ADAP2: variants seen among roughly 807,000 people sequenced by gnomAD.
The protein encoded by ADAP2 is arf-GAP with dual PH domain-containing protein 2.
ADAP2 carries 42 observed loss-of-function variants against 54.9 expected under a neutral mutation model. That is an observed-to-expected ratio of 0.77 (90% CI 0.60 to 0.99). The LOEUF (loss-of-function observed/expected upper bound fraction) is 0.99, where lower values mean the gene tolerates loss of function less well. Ranked by LOEUF, ADAP2 falls within the 50% of genes least tolerant of loss-of-function variation. The pLI is 0.00. For missense variants in ADAP2, 429 were observed against 480.4 expected (o/e 0.89, Z 1.00); for synonymous variants, 177 against 180.1 (o/e 0.98, Z 0.14).
chr17:30,951,814 C>A (rs1376565564), intron 7 of ADAP2, among the ~76,000 whole-genome samples: 1 of 151,932 alleles, frequency 6.6e-6, no homozygotes, highest in East Asian at 1.9e-4. Flanking sequence ...CGCCACTGCA[C>A]CCGGCTACTT....
chr17:30,941,840 G>A (rs1456204277), intron 5 of ADAP2, among the ~76,000 whole-genome samples: 1 of 152,104 alleles, frequency 6.6e-6, no homozygotes, highest in Non-Finnish European at 1.5e-5. Flanking sequence ...TGACATTTAG[G>A]ATGATAAGTA....
intron 5 of ADAP2, among the ~76,000 whole-genome samples, chr17:30,941,743 T>C (rs1320474405): frequency 1.3e-5 from 2 of 152,190 alleles, no homozygotes; most frequent in African/African-American, 4.8e-5. Flanking sequence ...CAGGCAAAAC[T>C]GTACTGATAG....
chr17:30,941,686 C>T (rs1385133593), intron 5 of ADAP2, among the ~76,000 whole-genome samples: 2 of 152,098 alleles, frequency 1.3e-5, no homozygotes, highest in African/African-American at 2.4e-5. Flanking sequence ...TTCTAAGTCA[C>T]CTTGTATAAG....
intron 2 of ADAP2, among the ~76,000 whole-genome samples, chr17:30,926,377 G>C (rs1020425958): frequency 6.6e-6 from 1 of 152,092 alleles, no homozygotes; most frequent in African/African-American, 2.4e-5. Flanking sequence ...CATCCTCCAG[G>C]TACATTTATC....
intron 3 of ADAP2, among the ~76,000 whole-genome samples, chr17:30,927,504 A>G (rs531193473): frequency 5.9e-5 from 9 of 152,084 alleles, no homozygotes; most frequent in African/African-American, 1.9e-4. Context: ...AGTCCCAGCT[A>G]CTTGGAAGGC....
In ADAP2 at chr17:30,949,269, G is replaced by A. The variant is rs368026623; in HGVS notation, c.658-18G>A. ...CATCTCACTGCTGTGTGTGTGTCCTGTGCACTTCTCTCCGCAGGAGATAGT... is the reference window on the plus strand; with the variant it reads ...CATCTCACTGCTGTGTGTGTGTCCTATGCACTTCTCTCCGCAGGAGATAGT... On this transcript the variant is annotated intron_variant, in intron 6 of 10. Transcript: ENST00000330889. The A allele has an allele frequency of 6.2e-7, 1 of 1,610,904 alleles. No individual in the cohort carries two copies. Among genetic ancestry groups the A allele is most frequent in the South Asian group, 1.1e-5 (1 of 91,028 alleles).
intron 7 of ADAP2, among the ~76,000 whole-genome samples, chr17:30,950,941 G>A (rs999572011): frequency 7.2e-5 from 11 of 152,142 alleles, no homozygotes; most frequent in African/African-American, 2.7e-4. Context: ...ATTGCTCTTT[G>A]GTCAACATCC....
rs868535458 is a variant in ADAP2, at chr17:30,922,083, G to A, written c.69G>A (p.Ala23=). 4.0e-6 allele frequency: 5 copies of A among 1,255,846 alleles called. No individual in the cohort carries two copies. Among genetic ancestry groups the A allele is most frequent in the Middle Eastern group, 5.6e-4 (2 of 3,558 alleles). 77.8% of individuals were successfully genotyped at this position (1,255,846 alleles called of 1,614,324 possible). ...ELLRAPDTGN[A]HCADCGAADP... ...TGCGGGCGCCGGACACAGGCAACGC[G>A]CACTGCGCCGACTGCGGGGCGGCAG... Residue 23 remains alanine (A), a synonymous_variant, in exon 1 of 11, where the codon GCG becomes GCA. Coordinates refer to ENST00000330889, the MANE Select transcript of ADAP2 (RefSeq NM_018404.3).
chr17:30,950,354 A>T (rs575112521), intron 7 of ADAP2, among the ~76,000 whole-genome samples: 3 of 152,194 alleles, frequency 2.0e-5, no homozygotes, highest in African/African-American at 7.2e-5. Flanking sequence ...AGGGCAGAGG[A>T]TGCTGTCTCG....
At position 30,931,931 on chromosome 17, in the gene ADAP2, G is replaced by A; in HGVS notation, c.360G>A (p.Arg120=). The A allele has an allele frequency of 6.2e-7, 1 of 1,614,046 alleles. No individual in the cohort carries two copies. The change falls in exon 4 of 11, where the codon CGG becomes CGA. Residue 120 remains arginine (R), a synonymous_variant. Transcript: ENST00000330889. ...EQWIRAKYER[R]EFMADGETIS... ...GGATTCGAGCTAAGTATGAGAGACG[G>A]GAATTTATGGCTGATGGGGAAACCA...
At chr17:30,954,947 C>T (rs147432966) in intron 9 of ADAP2, among the ~76,000 whole-genome samples, 77 of 152,178 alleles carry the variant, frequency 5.1e-4, no homozygotes, top group Middle Eastern at 3.4e-3. Context: ...TGCCTTGAGC[C>T]GTGTACTTAG....
chr17:30,946,725 A>T (rs1912706709), intron 6 of ADAP2, among the ~76,000 whole-genome samples: 1 of 152,190 alleles, frequency 6.6e-6, no homozygotes, highest in Non-Finnish European at 1.5e-5. Flanking sequence ...ATTGCTGTCC[A>T]TCATTTCTTA....
chr17:30,929,210 T>C (rs1169072094), intron 3 of ADAP2, among the ~76,000 whole-genome samples: 1 of 152,240 alleles, frequency 6.6e-6, no homozygotes, highest in African/African-American at 2.4e-5. Flanking sequence ...CTCTGAAATG[T>C]AGGCAATGAT....
chr17:30,958,874 T>G lies in ADAP2; in HGVS notation c.*1005T>G, dbSNP rs1484384740. On this transcript the variant is annotated 3_prime_UTR_variant, in exon 11 of 11. Transcript: ENST00000330889. ...ACTTTACTTAGCCTGGGTGACAGAGTGAGACCCTATCTCAAAAAAAAAAAA... is the reference window on the plus strand; with the variant it reads ...ACTTTACTTAGCCTGGGTGACAGAGGGAGACCCTATCTCAAAAAAAAAAAA... The G allele has an allele frequency of 6.8e-6, 1 of 146,260 alleles. No individual in the cohort carries two copies. The highest frequency in any genetic ancestry group is 1.5e-5 in the Non-Finnish European group (1 of 67,908). 9.1% of individuals were successfully genotyped at this position (146,260 alleles called of 1,614,324 possible).
chr17:30,940,875 A>G (rs1362428868), intron 5 of ADAP2, among the ~76,000 whole-genome samples: 1 of 152,212 alleles, frequency 6.6e-6, no homozygotes, highest in Non-Finnish European at 1.5e-5. Context: ...TAGAAAGTCA[A>G]CAAGCAAAAT....
intron 10 of ADAP2, chr17:30,956,740 AC>A: frequency 2.1e-6 from 1 of 487,456 alleles, no homozygotes. Context: ...TGCTGTCTGT[AC>A]CCCTTGCGGT....
intron 7 of ADAP2, among the ~76,000 whole-genome samples, chr17:30,951,837 A>G (rs554337631): frequency 6.6e-6 from 1 of 150,876 alleles, no homozygotes; most frequent in South Asian, 2.1e-4. Flanking sequence ...TTGTATTTTT[A>G]GTGGAGACGG....
intron 8 of ADAP2, 94 bp from the exon 9 acceptor site, chr17:30,954,384 G>A: frequency 1.9e-6 from 2 of 1,043,320 alleles, no homozygotes; most frequent in Admixed American, 3.5e-5. Context: ...CAGTGGGACT[G>A]GCCAGCTCCT....
chr17:30,944,588 T>G (rs1364329991), intron 5 of ADAP2, among the ~76,000 whole-genome samples: 1 of 152,128 alleles, frequency 6.6e-6, no homozygotes, highest in Non-Finnish European at 1.5e-5. Context: ...GTCTTCCGAG[T>G]TGTTGGGATT....
Sources: gnomAD v4.1 joint callset for allele counts (sites outside exome capture counted in the v4.1 genomes callset) on GRCh38, gnomAD v4.1.1 for gene constraint, MANE v1.5 for transcripts, NCBI Gene and HGNC (gene_info 2026-07-23, HGNC 2026-07-21) for gene names.